DKK1: variants seen among roughly 807,000 people sequenced by gnomAD.
The protein encoded by DKK1 is dickkopf-related protein 1.
DKK1 carries 18 observed loss-of-function variants against 26.0 expected under a neutral mutation model. That is an observed-to-expected ratio of 0.69 (90% CI 0.48 to 1.03). The LOEUF (loss-of-function observed/expected upper bound fraction) is 1.03. DKK1 is among the 50% of genes least tolerant of loss of function. DKK1 has a pLI of 0.00. For synonymous variants in DKK1, 130 were observed against 132.6 expected, an observed-to-expected ratio of 0.98 and a Z score of 0.13; for missense variants, 335 against 348.5, an observed-to-expected ratio of 0.96 and a Z score of 0.31.
Position 52,314,804 on chromosome 10 carries a change from T to G in DKK1, c.244-119T>G. ...TTGGTAACCCTGCATTTGGGAGCAGTGGGCAGTAACAGGTTTTGGAGAGGT... is the reference window on the plus strand; with the variant it reads ...TTGGTAACCCTGCATTTGGGAGCAGGGGGCAGTAACAGGTTTTGGAGAGGT... On this transcript the variant is annotated intron_variant, in intron 1 of 3. Coordinates refer to ENST00000373970, the MANE Select transcript of DKK1 (RefSeq NM_012242.4). This position sits in a 1 kb window ranked among gnomAD's most constrained non-coding sequence, Gnocchi z 5.7. 6.7e-7 allele frequency: 1 copy of G among 1,495,762 alleles called. No homozygotes were observed. Among genetic ancestry groups the G allele is most frequent in the Non-Finnish European group, 8.9e-7 (1 of 1,118,858 alleles). The allele number at this position is 1,495,762 out of a possible 1,614,324, so 92.7% of individuals were successfully genotyped here. A position where few individuals can be genotyped will look rare whatever the true frequency, so the allele number is the denominator to read the frequency against.
chr10:52,315,275 G>C, intron 2 of DKK1, 190 bp downstream of exon 2: 1 of 502,454 alleles, frequency 2.0e-6, no homozygotes, highest in Non-Finnish European at 3.2e-6. Flanking sequence ...GTGTTTAATC[G>C]GGAAGAAGAG....
In DKK1 at chr10:52,314,947, G is replaced by C; in HGVS notation, c.268G>C (p.Glu90Gln). The change falls in exon 2 of 4, where the codon GAG (glutamate) becomes CAG (glutamine). Residue 90 changes from glutamate to glutamine, a missense_variant. Transcript: ENST00000373970. This position sits in a 1 kb window ranked among gnomAD's most constrained non-coding sequence, Gnocchi z 5.7. ...GCCGTACCCGTGCGCAGAGGACGAG[G>C]AGTGCGGCACTGATGAGTACTGCGC... ...YQPYPCAEDE[E>Q]CGTDEYCASP... 1 of 1,563,980 alleles carries C rather than the reference G, an allele frequency of 6.4e-7. No homozygotes were observed. The highest frequency in any genetic ancestry group is 8.7e-7 in the Non-Finnish European group (1 of 1,148,292).
Position 52,315,099 on chromosome 10 carries a change from G to A in DKK1, c.406+14G>A. 4.0e-6 allele frequency: 5 copies of A among 1,234,868 alleles called. No individual in the cohort carries two copies. The highest frequency in any genetic ancestry group is 5.2e-6 in the Non-Finnish European group (5 of 953,070). The allele number at this position is 1,234,868 out of a possible 1,614,324, so 76.5% of individuals were successfully genotyped here. ...ACTGCAAAAATGGTGAGTCCTGAAAGCTCCCTTTCACACTAAAACTGTCCA... is the reference window on the plus strand; with the variant it reads ...ACTGCAAAAATGGTGAGTCCTGAAAACTCCCTTTCACACTAAAACTGTCCA... On this transcript the variant is annotated intron_variant, in intron 2 of 3. Transcript: ENST00000373970.
In DKK1 at chr10:52,314,553, A is replaced by T. The variant is rs1171226209; in HGVS notation, c.119A>T (p.Asn40Ile). 6.2e-7 allele frequency: 1 copy of T among 1,613,416 alleles called. No homozygotes were observed. The highest frequency in any genetic ancestry group is 8.5e-7 in the Non-Finnish European group (1 of 1,179,888). The change falls in exon 1 of 4, where the codon AAC becomes ATC. Residue 40 changes from asparagine to isoleucine, a missense_variant. By Grantham distance (149) the Asn-to-Ile change is moderately radical. Coordinates refer to ENST00000373970, the MANE Select transcript of DKK1 (RefSeq NM_012242.4). This position sits in a 1 kb window ranked among gnomAD's most constrained non-coding sequence, Gnocchi z 5.7. ...SATLNSVLNSNAIKNLPPPLG... is the reference protein window; with the variant it reads ...SATLNSVLNSIAIKNLPPPLG... ...ACCTTGAACTCGGTTCTCAATTCCA[A>T]CGCTATCAAGAACCTGCCCCCACCG...
Position 52,315,347 on chromosome 10 carries a change from C to T in DKK1, c.406+262C>T, listed in dbSNP as rs111548875. 181 of 353,868 alleles carry T rather than the reference C, an allele frequency of 5.1e-4. 1 individual carries two copies. Among genetic ancestry groups the T allele is most frequent in the Middle Eastern group, 4.4e-3 (6 of 1,366 alleles). 21.9% of individuals were successfully genotyped at this position (353,868 alleles called of 1,614,324 possible). A position where few individuals can be genotyped will look rare whatever the true frequency, so the allele number is the denominator to read the frequency against. On this transcript the variant is annotated intron_variant, in intron 2 of 3. Coordinates refer to ENST00000373970, the MANE Select transcript of DKK1 (RefSeq NM_012242.4). ...CGTGTCCCTCAATGATTCAATACAA[C>T]GGTTCACCTCGTAGTGGACTCTTCC...
At chr10:52,315,950 A>G (rs1312196593) in intron 2 of DKK1, among the ~76,000 whole-genome samples, 2 of 152,222 alleles carry the variant, frequency 1.3e-5, no homozygotes, top group Admixed American at 6.5e-5. Flanking sequence ...AGTTATTTTT[A>G]AGAACATTTT....
At position 52,315,077 on chromosome 10, in the gene DKK1, G is replaced by A; in HGVS notation, c.398G>A (p.Cys133Tyr). Residue 133 changes from cysteine (C) to tyrosine (Y), a missense_variant, in exon 2 of 4, where the codon TGC (cysteine) becomes TAC (tyrosine). Transcript: ENST00000373970. ...GCTATGTGCTGCCCCGGGAATTACTGCAAAAATGGTGAGTCCTGAAAGCTC... is the reference window on the plus strand; with the variant it reads ...GCTATGTGCTGCCCCGGGAATTACTACAAAAATGGTGAGTCCTGAAAGCTC... The part of the protein sequence containing the change: ...RHAMCCPGNY[C>Y]KNGICVSSDQ... 6.7e-7 allele frequency: 1 copy of A among 1,501,506 alleles called. No individual in the cohort carries two copies. The highest frequency in any genetic ancestry group is 9.0e-7 in the Non-Finnish European group (1 of 1,113,162). The allele number at this position is 1,501,506 out of a possible 1,614,324, so 93.0% of individuals were successfully genotyped here. A position where few individuals can be genotyped will look rare whatever the true frequency, so the allele number is the denominator to read the frequency against.
Position 52,314,773 on chromosome 10 carries a change from G to T in DKK1, c.243+96G>T. 2 of 1,543,100 alleles carry T rather than the reference G, an allele frequency of 1.3e-6. No individual in the cohort carries two copies. The highest frequency in any genetic ancestry group is 2.5e-5 in the South Asian group (2 of 79,486). On this transcript the variant is annotated intron_variant, in intron 1 of 3. Coordinates refer to ENST00000373970, the MANE Select transcript of DKK1 (RefSeq NM_012242.4). This position sits in a 1 kb window ranked among gnomAD's most constrained non-coding sequence, Gnocchi z 5.7. ...ACGTGCTGAATGTGTGCGGTTCAGG[G>T]AGCATTTGGTAACCCTGCATTTGGG...
intron 2 of DKK1, 69 bp downstream of exon 2, chr10:52,315,154 GCGGGGGGTTGGGGGGGGT>G: frequency 1.5e-6 from 1 of 681,086 alleles, no homozygotes; most frequent in Non-Finnish European, 2.1e-6. Flanking sequence ...TTGGGCGGGG[GCGGGGGGTTGGGGGGGGT>G]GGGGGGAGAA....
At chr10:52,315,249 AG>A in intron 2 of DKK1, 164 bp downstream of exon 2, 1 of 608,736 alleles carries the variant, frequency 1.6e-6, no homozygotes, top group South Asian at 5.1e-5. Context: ...ATTCCGCTGA[AG>A]TATCTTCATT....
chr10:52,315,562 C>G lies in DKK1; in HGVS notation c.406+477C>G, dbSNP rs76381629. On this transcript the variant is annotated intron_variant, in intron 2 of 3. Coordinates refer to ENST00000373970, the MANE Select transcript of DKK1 (RefSeq NM_012242.4). ...TGATTTTTGCTGAAACTGTTGTCAGCCAGAGGACTGATTTATCTGCATTGG... is the reference window on the plus strand; with the variant it reads ...TGATTTTTGCTGAAACTGTTGTCAGGCAGAGGACTGATTTATCTGCATTGG... Among the ~76,000 whole-genome samples the G allele has an allele frequency of 4.1e-3, 625 of 152,258 alleles. 2 individuals are homozygous for G. Among genetic ancestry groups the G allele is most frequent in the African/African-American group, 0.013 (549 of 41,536 alleles).
chr10:52,316,700 G>C lies in DKK1; in HGVS notation c.694G>C (p.Glu232Gln), dbSNP rs11001564. Residue 232 changes from glutamate (E) to glutamine (Q), a missense_variant, in exon 4 of 4, where the codon GAA (glutamate) becomes CAA (glutamine). Glu to Gln is a conservative substitution (Grantham distance 29). Transcript: ENST00000373970. ...TAGGAGAAAAGGCTCTCATGGACTA[G>C]AAATATTCCAGCGTTGTTACTGTGG... ...KHRRKGSHGL[E>Q]IFQRCYCGEG... is the part of the protein sequence containing the mutation. The C allele has an allele frequency of 3.1e-6, 5 of 1,614,148 alleles. No homozygotes were observed. The highest frequency in any genetic ancestry group is 4.2e-6 in the Non-Finnish European group (5 of 1,180,008).
In DKK1 at chr10:52,314,814, C is replaced by G; in HGVS notation, c.244-109C>G. 6.7e-7 allele frequency: 1 copy of G among 1,485,340 alleles called. No individual in the cohort carries two copies. Among genetic ancestry groups the G allele is most frequent in the Admixed American group, 2.4e-5 (1 of 42,064 alleles). The allele number at this position is 1,485,340 out of a possible 1,614,324, so 92.0% of individuals were successfully genotyped here. On this transcript the variant is annotated intron_variant, in intron 1 of 3. Transcript: ENST00000373970. The surrounding 1 kb of genome is among the most constrained non-coding windows in gnomAD (Gnocchi z 5.7). ...TGCATTTGGGAGCAGTGGGCAGTAA[C>G]AGGTTTTGGAGAGGTGGACAGATAA...
Position 52,314,429 on chromosome 10 carries a change from T to C in DKK1, c.-6T>C, listed in dbSNP as rs1564556193. 2.5e-6 allele frequency: 4 copies of C among 1,613,720 alleles called. No homozygotes were observed. Among genetic ancestry groups the C allele is most frequent in the Non-Finnish European group, 3.4e-6 (4 of 1,179,904 alleles). ...TCTTTCTTTCTCCCTCTTGAGTCCT[T>C]CTGAGATGATGGCTCTGGGCGCAGC... is the stretch of plus-strand genomic sequence containing the variant. On this transcript the variant is annotated 5_prime_UTR_variant, in exon 1 of 4. Coordinates refer to ENST00000373970, the MANE Select transcript of DKK1 (RefSeq NM_012242.4). This position sits in a 1 kb window ranked among gnomAD's most constrained non-coding sequence, Gnocchi z 5.7.
rs747661417 is a variant in DKK1 at position 52,314,417 on chromosome 10, C to G, written c.-18C>G. The G allele has an allele frequency of 6.2e-7, 1 of 1,613,388 alleles. No homozygotes were observed. Among genetic ancestry groups the G allele is most frequent in the Non-Finnish European group, 8.5e-7 (1 of 1,179,730 alleles). ...ACGGTCATTTTCTCTTTCTTTCTCC[C>G]TCTTGAGTCCTTCTGAGATGATGGC... On this transcript the variant is annotated 5_prime_UTR_variant, in exon 1 of 4. Coordinates refer to ENST00000373970, the MANE Select transcript of DKK1 (RefSeq NM_012242.4). The surrounding 1 kb of genome is among the most constrained non-coding windows in gnomAD (Gnocchi z 5.7).
At chr10:52,316,496 A>G in intron 3 of DKK1, 58 bp from the exon 4 acceptor site, 1 of 1,610,042 alleles carries the variant, frequency 6.2e-7, no homozygotes, top group South Asian at 1.1e-5. Context: ...ATTTTAGTGA[A>G]ACGATGCAGG....
chr10:52,314,441 G>C lies in DKK1; in HGVS notation c.7G>C (p.Ala3Pro). ...CCTCTTGAGTCCTTCTGAGATGATG[G>C]CTCTGGGCGCAGCGGGAGCTACCCG... MMALGAAGATRVF... is the reference protein window; with the variant it reads MMPLGAAGATRVF... The change falls in exon 1 of 4, where the codon GCT (alanine) becomes CCT (proline). Residue 3 changes from alanine (A) to proline (P), a missense_variant. Coordinates refer to ENST00000373970, the MANE Select transcript of DKK1 (RefSeq NM_012242.4). The surrounding 1 kb of genome is among the most constrained non-coding windows in gnomAD (Gnocchi z 5.7). The C allele has an allele frequency of 6.2e-7, 1 of 1,613,918 alleles. No individual in the cohort carries two copies. Among genetic ancestry groups the C allele is most frequent in the Non-Finnish European group, 8.5e-7 (1 of 1,180,022 alleles).
chr10:52,314,667 A>G lies in DKK1; in HGVS notation c.233A>G (p.Asp78Gly), dbSNP rs1181469303. 1 of 1,612,658 alleles carries G rather than the reference A, an allele frequency of 6.2e-7. No homozygotes were observed. Among genetic ancestry groups the G allele is most frequent in the Non-Finnish European group, 8.5e-7 (1 of 1,179,762 alleles). Residue 78 changes from aspartate (D) to glycine (G), a missense_variant, in exon 1 of 4, where the codon GAC becomes GGC. Physicochemically the swap from Asp to Gly is moderately conservative, Grantham distance 94 (BLOSUM62 -1). Coordinates refer to ENST00000373970, the MANE Select transcript of DKK1 (RefSeq NM_012242.4). The surrounding 1 kb of genome is among the most constrained non-coding windows in gnomAD (Gnocchi z 5.7). ...YPGGNKYQTI[D>G]NYQPYPCAED... ...GGCGGGAATAAGTACCAGACCATTG[A>G]CAACTACCAGGTGAGAGGGGTCGGG...
Position 52,314,809 on chromosome 10 carries a change from A to G in DKK1, c.244-114A>G. The G allele has an allele frequency of 1.3e-6, 2 of 1,489,134 alleles. No individual in the cohort carries two copies. The highest frequency in any genetic ancestry group is 1.8e-6 in the Non-Finnish European group (2 of 1,115,570). The allele number at this position is 1,489,134 out of a possible 1,614,324, so 92.2% of individuals were successfully genotyped here. On this transcript the variant is annotated intron_variant, in intron 1 of 3. Transcript: ENST00000373970. This position sits in a 1 kb window ranked among gnomAD's most constrained non-coding sequence, Gnocchi z 5.7. ...AACCCTGCATTTGGGAGCAGTGGGC[A>G]GTAACAGGTTTTGGAGAGGTGGACA...
Sources: gnomAD v4.1 joint callset for allele counts (sites outside exome capture counted in the v4.1 genomes callset) on GRCh38, gnomAD v4.1.1 for gene constraint, Gnocchi (gnomAD v3.1) non-coding constraint, MANE v1.5 for transcripts, NCBI Gene and HGNC (gene_info 2026-07-23, HGNC 2026-07-21) for gene names.